Variants in PHLDB1 observed in about 807,000 individuals in gnomAD.
PHLDB1 encodes pleckstrin homology-like domain family B member 1.
Under a neutral mutation model 139.3 loss-of-function variants are expected in PHLDB1, and 65 were observed. That is an observed-to-expected ratio of 0.47 (90% confidence interval 0.38 to 0.57). The LOEUF (loss-of-function observed/expected upper bound fraction) is 0.57. Among genes scored for constraint, PHLDB1 ranks in the 20% least tolerant of loss-of-function variants. The pLI is 0.00. For synonymous variants in PHLDB1, 679 were observed against 734.5 expected (o/e 0.92, Z 1.22); for missense variants, 1,624 against 1,839.7 (o/e 0.88, Z 2.14).
intron 4 of PHLDB1, among the ~76,000 whole-genome samples, chr11:118,623,692 C>CG (rs1555097428): frequency 6.6e-6 from 1 of 152,030 alleles, no homozygotes; most frequent in East Asian, 1.9e-4. Context: ...TTCAGGACCC[C>CG]CCCGGTTCAT....
In PHLDB1 at chr11:118,616,135, C is replaced by T. The variant is rs1555089193; in HGVS notation, c.279C>T (p.Thr93=). Reference sequence around the variant, plus strand: ...GCTACATCGAGAACCTGCGGGGCACCCTCACCCTCTACCCCTGTGGCAATG... The same window carrying T: ...GCTACATCGAGAACCTGCGGGGCACTCTCACCCTCTACCCCTGTGGCAATG... The part of the protein sequence containing the change: ...EHCYIENLRG[T]LTLYPCGNAC... Residue 93 remains threonine (T), a synonymous_variant, in exon 4 of 23, where the codon ACC becomes ACT. Coordinates refer to ENST00000600882, the MANE Select transcript of PHLDB1 (RefSeq NM_001144758.3). 2 of 1,614,082 alleles carry T rather than the reference C, an allele frequency of 1.2e-6. No homozygotes were observed. The highest frequency in any genetic ancestry group is 1.7e-6 in the Non-Finnish European group (2 of 1,179,938).
chr11:118,638,896 C>G lies in PHLDB1; in HGVS notation c.2541C>G (p.Arg847=), dbSNP rs868987617. Residue 847 remains arginine, a synonymous_variant, in exon 11 of 23, where the codon CGC becomes CGG. Transcript: ENST00000600882. The stretch of plus-strand genomic sequence containing the variant: ...AACCACCCCATCTCCTTTAGGAGCG[C>G]CTGGCCATCCTGGACAGTCAGGCTG... ...LLRSIAKRKE[R]LAILDSQAGQ... 6.2e-7 allele frequency: 1 copy of G among 1,609,938 alleles called. No homozygotes were observed. Among genetic ancestry groups the G allele is most frequent in the South Asian group, 1.1e-5 (1 of 90,416 alleles).
In PHLDB1 at chr11:118,632,850, C is replaced by T. The variant is rs1309154698; in HGVS notation, c.2379+554C>T. ...GGGGCCACTCCCAGATGCCCAACACCGTGCCAAAAGCTCTGAAGTGGAGAG... is the reference window on the plus strand; with the variant it reads ...GGGGCCACTCCCAGATGCCCAACACTGTGCCAAAAGCTCTGAAGTGGAGAG... On this transcript the variant is annotated intron_variant, in intron 9 of 22. Transcript: ENST00000600882. The surrounding 1 kb of genome is among the most constrained non-coding windows in gnomAD (Gnocchi z 5.9). 15 of 985,422 alleles carry T rather than the reference C, an allele frequency of 1.5e-5. No homozygotes were observed. In the East Asian group the frequency reaches 5.7e-4, roughly 37 times the overall value. The allele number at this position is 985,422 out of a possible 1,614,324, so 61.0% of individuals were successfully genotyped here.
At chr11:118,624,854 C>T in intron 4 of PHLDB1, 80 bp from the exon 5 acceptor site, 1 of 1,471,784 alleles carries the variant, frequency 6.8e-7, no homozygotes, top group Non-Finnish European at 9.5e-7. Flanking sequence ...AGGTGATCCA[C>T]CCTCCTCCGC....
chr11:118,645,020 C>T lies in PHLDB1; in HGVS notation c.3122-336C>T. On this transcript the variant is annotated intron_variant, in intron 15 of 22. Transcript: ENST00000600882. This position sits in a 1 kb window ranked among gnomAD's most constrained non-coding sequence, Gnocchi z 5.1. ...AGGCAGGGTGGGTGCATGTATCCTG[C>T]CTAGACCTACTTAGGCCTTGGTTGT... The T allele has an allele frequency of 2.9e-6, 1 of 350,824 alleles. No individual in the cohort carries two copies. Among genetic ancestry groups the T allele is most frequent in the Non-Finnish European group, 5.2e-6 (1 of 192,416 alleles). 21.7% of individuals were successfully genotyped at this position (350,824 alleles called of 1,614,324 possible).
chr11:118,612,347 C>T (rs1940617830), intron 1 of PHLDB1, among the ~76,000 whole-genome samples: 1 of 152,040 alleles, frequency 6.6e-6, no homozygotes, highest in Non-Finnish European at 1.5e-5. Context: ...TTTTCTTAAC[C>T]CCTTTTTTAC....
Position 118,628,568 on chromosome 11 carries a change from T to C in PHLDB1, c.1745T>C (p.Ile582Thr). Residue 582 changes from isoleucine to threonine, a missense_variant, in exon 6 of 23, where the codon ATC becomes ACC. Ile to Thr is a moderately conservative substitution (Grantham distance 89). Coordinates refer to ENST00000600882, the MANE Select transcript of PHLDB1 (RefSeq NM_001144758.3). ...GAGCGGAAAAATAGCATCACAGAGA[T>C]CAGTGACAATGAGGACGACCTCCTG... ...TRERKNSITEISDNEDDLLEY... is the reference protein window; with the variant it reads ...TRERKNSITETSDNEDDLLEY... The C allele has an allele frequency of 6.2e-7, 1 of 1,612,962 alleles. No homozygotes were observed. Among genetic ancestry groups the C allele is most frequent in the Non-Finnish European group, 8.5e-7 (1 of 1,179,952 alleles).
At position 118,614,658 on chromosome 11, in the gene PHLDB1, A is replaced by G. The variant is rs1941219737; in HGVS notation, c.160A>G (p.Ile54Val). Residue 54 changes from isoleucine to valine, a missense_variant, in exon 3 of 23, where the codon ATC becomes GTC. Transcript: ENST00000600882. ...GGGCAGTGGGCGACTCAGCACAGCC[A>G]TCACCCTCCTGCCGCTGGAGGAAGG... is the stretch of plus-strand genomic sequence containing the variant. ...SLGSGRLSTA[I>V]TLLPLEEGRT... is the part of the protein sequence containing the mutation. 6.2e-7 allele frequency: 1 copy of G among 1,613,720 alleles called. No individual in the cohort carries two copies. Among genetic ancestry groups the G allele is most frequent in the African/African-American group, 1.3e-5 (1 of 74,900 alleles).
chr11:118,634,848 C>G (rs890852798), intron 9 of PHLDB1: 2 of 292,684 alleles, frequency 6.8e-6, no homozygotes, highest in Non-Finnish European at 7.1e-6. Context: ...CCGCCGCTGC[C>G]GGGCCGGAGT....
chr11:118,632,479 A>C lies in PHLDB1; in HGVS notation c.2379+183A>C. On this transcript the variant is annotated intron_variant, in intron 9 of 22. Coordinates refer to ENST00000600882, the MANE Select transcript of PHLDB1 (RefSeq NM_001144758.3). The surrounding 1 kb of genome is among the most constrained non-coding windows in gnomAD (Gnocchi z 5.9). ...TGTGGAAGGAACCAGCTTGGAGGGCACTGCCAGGGGCTGGGCTGGTGTCTG... is the reference window on the plus strand; with the variant it reads ...TGTGGAAGGAACCAGCTTGGAGGGCCCTGCCAGGGGCTGGGCTGGTGTCTG... The C allele has an allele frequency of 1.5e-6, 1 of 673,166 alleles. No individual in the cohort carries two copies. The highest frequency in any genetic ancestry group is 2.7e-5 in the East Asian group (1 of 36,440). 41.7% of individuals were successfully genotyped at this position (673,166 alleles called of 1,614,324 possible).
rs1944960977 is a variant in PHLDB1, at chr11:118,632,482, G to A, written c.2379+186G>A. ...GGAAGGAACCAGCTTGGAGGGCACT[G>A]CCAGGGGCTGGGCTGGTGTCTGGGG... On this transcript the variant is annotated intron_variant, in intron 9 of 22. Transcript: ENST00000600882. The surrounding 1 kb of genome is among the most constrained non-coding windows in gnomAD (Gnocchi z 5.9). 1 of 663,662 alleles carries A rather than the reference G, an allele frequency of 1.5e-6. No individual in the cohort carries two copies. Among genetic ancestry groups the A allele is most frequent in the Non-Finnish European group, 2.6e-6 (1 of 386,568 alleles). 41.1% of individuals were successfully genotyped at this position (663,662 alleles called of 1,614,324 possible).
Position 118,616,223 on chromosome 11 carries a change from C to G in PHLDB1, c.355+12C>G, listed in dbSNP as rs915985609. ...CCGGCTCACTCAGGGTAAGGCTGGA[C>G]ACCTCCAGATGGAGGGGGCCTCTGT... is the stretch of plus-strand genomic sequence containing the variant. On this transcript the variant is annotated intron_variant, in intron 4 of 22. Coordinates refer to ENST00000600882, the MANE Select transcript of PHLDB1 (RefSeq NM_001144758.3). The G allele has an allele frequency of 6.2e-6, 10 of 1,612,226 alleles. No individual in the cohort carries two copies. The Admixed American group carries it at 1.5e-4, about 24-fold the overall frequency.
chr11:118,645,455 C>A lies in PHLDB1; in HGVS notation c.3221C>A (p.Ala1074Glu). 1 of 1,606,784 alleles carries A rather than the reference C, an allele frequency of 6.2e-7. No individual in the cohort carries two copies. Reference sequence around the variant, plus strand: ...CAGTGGGATGCCCTTCACGGGGCAGCACCCTTCCCAGCGGGCCCCTCGGGC... The same window carrying A: ...CAGTGGGATGCCCTTCACGGGGCAGAACCCTTCCCAGCGGGCCCCTCGGGC... Reference protein sequence around the residue: ...QCQWDALHGAAPFPAGPSGFP... With the variant: ...QCQWDALHGAEPFPAGPSGFP... The change falls in exon 16 of 23, where the codon GCA becomes GAA. Residue 1074 changes from alanine to glutamate, a missense_variant. Ala to Glu is a moderately radical substitution (Grantham distance 107). Coordinates refer to ENST00000600882, the MANE Select transcript of PHLDB1 (RefSeq NM_001144758.3). This position sits in a 1 kb window ranked among gnomAD's most constrained non-coding sequence, Gnocchi z 5.1.
chr11:118,630,184 A>T, intron 6 of PHLDB1: 1 of 667,822 alleles, frequency 1.5e-6, no homozygotes, highest in Non-Finnish European at 2.3e-6. Flanking sequence ...AGGTCTAGGG[A>T]CCCTAGAGAG....
chr11:118,631,811 G>C (rs574954423), intron 7 of PHLDB1, 102 bp from the exon 8 acceptor site: 2 of 1,343,876 alleles, frequency 1.5e-6, no homozygotes, highest in African/African-American at 2.9e-5. Context: ...TCTCAGTCCA[G>C]CTATTCCTCA....
chr11:118,642,424 C>A (rs782412661), intron 13 of PHLDB1, 30 bp downstream of exon 13: 1 of 1,598,174 alleles, frequency 6.3e-7, no homozygotes, highest in South Asian at 1.1e-5. Context: ...CCGTCCTCCC[C>A]AGCCTTTGCA....
At chr11:118,634,314 G>T in intron 9 of PHLDB1, 1 of 152,386 alleles carries the variant, frequency 6.6e-6, no homozygotes. Context: ...AGGGGAGGGA[G>T]GCCAAGGGTG....
intron 17 of PHLDB1, chr11:118,646,581 AG>A (rs1947572173): frequency 6.6e-6 from 1 of 152,118 alleles, no homozygotes; most frequent in Admixed American, 6.5e-5. Context: ...AGGTGTTGGC[AG>A]GGGAACCTTG....
intron 22 of PHLDB1, 46 bp from the exon 23 acceptor site, chr11:118,656,637 G>T (rs1555142017): frequency 1.9e-6 from 3 of 1,589,208 alleles, no homozygotes; most frequent in African/African-American, 1.3e-5. Context: ...AATATTCCTG[G>T]GCATGGGTGA....
Sources: gnomAD v4.1 joint callset for allele counts (sites outside exome capture counted in the v4.1 genomes callset) on GRCh38, gnomAD v4.1.1 for gene constraint, Gnocchi (gnomAD v3.1) non-coding constraint, MANE v1.5 for transcripts, NCBI Gene and HGNC (gene_info 2026-07-23, HGNC 2026-07-21) for gene names.